CTTN: variants seen among roughly 807,000 people sequenced by gnomAD.
The protein encoded by CTTN is src substrate cortactin.
Under a neutral mutation model 84.0 loss-of-function variants are expected in CTTN, and 28 were observed. The observed-to-expected ratio is 0.33, with a 90% CI of 0.25 to 0.46. The LOEUF (loss-of-function observed/expected upper bound fraction) is 0.46. Ranked by LOEUF, CTTN falls within the 20% of genes least tolerant of loss-of-function variation. The pLI, the probability that CTTN is intolerant of heterozygous loss-of-function variation, is 1.00. For missense variants in CTTN, 641 were observed against 723.8 expected, an observed-to-expected ratio of 0.89 and a Z score of 1.31; for synonymous variants, 301 against 288.8, an observed-to-expected ratio of 1.04 and a Z score of -0.43.
chr11:70,422,015 A>C (rs1170969567), intron 11 of CTTN: 1 of 217,754 alleles, frequency 4.6e-6, no homozygotes, highest in East Asian at 1.1e-4. Flanking sequence ...GCTTCGTAGC[A>C]GCAAGGGCCA....
chr11:70,406,877 A>G (rs2058045555), intron 2 of CTTN, among the ~76,000 whole-genome samples: 1 of 152,234 alleles, frequency 6.6e-6, no homozygotes, highest in East Asian at 1.9e-4. Flanking sequence ...ACATACCATG[A>G]GATTTACCAT....
intron 4 of CTTN, chr11:70,407,874 C>T (rs1591432663): frequency 5.0e-6 from 2 of 398,832 alleles, no homozygotes; most frequent in East Asian, 8.6e-5. Flanking sequence ...GTCCGCTTCT[C>T]AGTATTGTGG....
rs1303246551 is a variant in CTTN, at chr11:70,422,103, TTGTTC to T, written c.901+528_901+532del. 2.7e-5 allele frequency: 6 copies of T among 219,670 alleles called. No homozygotes were observed. The East Asian group carries it at 6.4e-4, about 23-fold the overall frequency. 13.6% of individuals were successfully genotyped at this position (219,670 alleles called of 1,614,324 possible). On this transcript the variant is annotated intron_variant, in intron 11 of 17. Transcript: ENST00000301843. Reference sequence around the variant, plus strand: ...TGGCCGGGGTTGGGAGGTTTTTTGTTTGTTCTGTTTGATGACACCATATGTGTGTA... The same window carrying T: ...TGGCCGGGGTTGGGAGGTTTTTTGTTTGTTTGATGACACCATATGTGTGTA...
intron 17 of CTTN, 140 bp downstream of exon 17, chr11:70,433,858 G>GT: frequency 1.5e-6 from 1 of 669,598 alleles, no homozygotes; most frequent in Non-Finnish European, 2.7e-6. Flanking sequence ...ATATAGAAAA[G>GT]TTGCAGGTAT....
chr11:70,408,501 G>A (rs979164656), intron 4 of CTTN, among the ~76,000 whole-genome samples: 1 of 152,122 alleles, frequency 6.6e-6, no homozygotes, highest in African/African-American at 2.4e-5. Flanking sequence ...GGGTTCAAGC[G>A]ATCCTCTCAC....
Position 70,425,402 on chromosome 11 carries a change from G to T in CTTN, c.1027+1G>T, listed in dbSNP as rs112966630. 6.2e-7 allele frequency: 1 copy of T among 1,609,694 alleles called. No individual in the cohort carries two copies. ...CAGAAGACAGTACCTGTCGAAGCTG[G>T]TGAGTCCCGGCTGATACCAGGAGCA... On this transcript the variant is annotated splice_donor_variant, in intron 13 of 17. Transcript: ENST00000301843. LOFTEE classifies it high-confidence loss of function.
At chr11:70,402,792 C>CA (rs1181086573) in intron 1 of CTTN, among the ~76,000 whole-genome samples, 5 of 152,334 alleles carry the variant, frequency 3.3e-5, no homozygotes, top group Non-Finnish European at 7.3e-5. Context: ...TCTGAACACT[C>CA]ACGCACAAGT....
intron 5 of CTTN, among the ~76,000 whole-genome samples, chr11:70,413,184 G>T (rs1411626645): frequency 1.3e-5 from 2 of 152,270 alleles, no homozygotes; most frequent in Non-Finnish European, 2.9e-5. Context: ...GACACTCTCT[G>T]AGTTGCCTGC....
At position 70,431,229 on chromosome 11, in the gene CTTN, G is replaced by A. The variant is rs747575729; in HGVS notation, c.1215G>A (p.Ser405=). Residue 405 remains serine (S), a synonymous_variant, in exon 15 of 18, where the codon TCG becomes TCA. Coordinates refer to ENST00000301843, the MANE Select transcript of CTTN (RefSeq NM_005231.4). ...CCAAAACGCAAACGCCCCCTGTGTCGCCCGCACCTCAGCCAACCGAGGAGA... is the reference window on the plus strand; with the variant it reads ...CCAAAACGCAAACGCCCCCTGTGTCACCCGCACCTCAGCCAACCGAGGAGA... The part of the protein sequence containing the change: ...ARAKTQTPPV[S]PAPQPTEERL... The A allele has an allele frequency of 1.1e-5, 17 of 1,613,992 alleles. No homozygotes were observed. In the South Asian group the frequency reaches 1.1e-4, roughly 10 times the overall value.
At chr11:70,407,492 G>A (rs1435661354) in intron 3 of CTTN, 26 bp from the exon 4 acceptor site, 1 of 1,613,992 alleles carries the variant, frequency 6.2e-7, no homozygotes, top group East Asian at 2.2e-5. Flanking sequence ...CAGGCTGTGA[G>A]ATTTACTGGT....
At chr11:70,403,291 C>T (rs1043409862) in intron 1 of CTTN, among the ~76,000 whole-genome samples, 6 of 115,330 alleles carry the variant, frequency 5.2e-5, no homozygotes, top group Non-Finnish European at 8.5e-5. Flanking sequence ...CGGGTTCAAG[C>T]AGTTCTCCTG....
At position 70,418,243 on chromosome 11, in the gene CTTN, C is replaced by CGGGCT. The variant is rs2058186108; in HGVS notation, c.568+1122_568+1123insGCTGG. On this transcript the variant is annotated intron_variant, in intron 8 of 17. Transcript: ENST00000301843. Reference sequence around the variant, plus strand: ...GGGCAGCTTGGCTTGTAGTTTGTCGCGGCCTGGCCTGGCCTTGCCTTCCTG... The same window carrying CGGGCT: ...GGGCAGCTTGGCTTGTAGTTTGTCGCGGGCTGGCCTGGCCTGGCCTTGCCTTCCTG... Among the ~76,000 whole-genome samples the CGGGCT allele has an allele frequency of 3.3e-5, 5 of 152,246 alleles. No individual in the cohort carries two copies. The South Asian group carries it at 1.0e-3, about 32-fold the overall frequency.
intron 11 of CTTN, chr11:70,422,226 T>C (rs1185776215): frequency 1.5e-5 from 5 of 342,148 alleles, no homozygotes; most frequent in Non-Finnish European, 2.9e-5. Flanking sequence ...AATTTGGACT[T>C]GGTTATTAGA....
chr11:70,413,811 T>G (rs1371068176), intron 5 of CTTN, among the ~76,000 whole-genome samples: 1 of 152,164 alleles, frequency 6.6e-6, no homozygotes, highest in Non-Finnish European at 1.5e-5. Flanking sequence ...TAGAACAAAA[T>G]AGTTTGCTGG....
chr11:70,420,219 T>C, intron 9 of CTTN, 181 bp from the exon 10 acceptor site: 1 of 618,898 alleles, frequency 1.6e-6, no homozygotes, highest in Non-Finnish European at 2.9e-6. Flanking sequence ...GACTAGGTTA[T>C]TTCCTGCCAC....
chr11:70,406,203 A>G (rs936408652), intron 2 of CTTN, among the ~76,000 whole-genome samples: 6 of 152,226 alleles, frequency 3.9e-5, no homozygotes, highest in East Asian at 1.9e-4. Context: ...AGTCGCACCT[A>G]GAAATTTGAG....
At chr11:70,411,235 T>A (rs899748908) in intron 5 of CTTN, among the ~76,000 whole-genome samples, 18 of 136,064 alleles carry the variant, frequency 1.3e-4, no homozygotes, top group African/African-American at 4.7e-4. Context: ...GAGCGAAGCG[T>A]GTGCACACGG....
At chr11:70,428,189 CAG>C (rs1173344840) in intron 13 of CTTN, among the ~76,000 whole-genome samples, 1 of 102,818 alleles carries the variant, frequency 9.7e-6, no homozygotes, top group Non-Finnish European at 1.8e-5. Flanking sequence ...TTTTTTGAGA[CAG>C]AGTCTCGCTC....
In CTTN at chr11:70,407,600, C is replaced by T. The variant is rs776159640; in HGVS notation, c.161+9C>T. 48 of 1,612,382 alleles carry T rather than the reference C, an allele frequency of 3.0e-5. No individual in the cohort carries two copies. The highest frequency in any genetic ancestry group is 2.7e-5 in the African/African-American group (2 of 74,866). Reference sequence around the variant, plus strand: ...CACCAGGAGCATATCAAGTAAGAGGCGTCGCCACCACCCTCCCGAGGGCCC... The same window carrying T: ...CACCAGGAGCATATCAAGTAAGAGGTGTCGCCACCACCCTCCCGAGGGCCC... On this transcript the variant is annotated intron_variant, in intron 4 of 17. Transcript: ENST00000301843.
Sources: gnomAD v4.1 joint callset for allele counts (sites outside exome capture counted in the v4.1 genomes callset) on GRCh38, gnomAD v4.1.1 for gene constraint, MANE v1.5 for transcripts, NCBI Gene and HGNC (gene_info 2026-07-23, HGNC 2026-07-21) for gene names.